Variants in PHLDB2 observed in about 807,000 individuals in gnomAD.
PHLDB2 encodes the protein pleckstrin homology-like domain family B member 2.
A neutral mutation model predicts 123.6 loss-of-function variants in PHLDB2; 71 were observed. The ratio of observed to expected loss-of-function variants is 0.57; its 90% CI spans 0.47 to 0.70. The LOEUF (loss-of-function observed/expected upper bound fraction) is 0.70, where lower values mean the gene tolerates loss of function less well. Ranked by LOEUF, PHLDB2 falls within the 30% of genes least tolerant of loss-of-function variation. PHLDB2 has a pLI of 0.00. For synonymous variants in PHLDB2, 547 were observed against 541.6 expected, an observed-to-expected ratio of 1.01 and a Z score of -0.14; for missense variants, 1,446 against 1,519.5, an observed-to-expected ratio of 0.95 and a Z score of 0.80.
At chr3:111,757,081 A>AT (rs1363725226) in intron 1 of PHLDB2, among the ~76,000 whole-genome samples, 2 of 151,850 alleles carry the variant, frequency 1.3e-5, no homozygotes, top group Non-Finnish European at 2.9e-5. Context: ...TGCCCTTAAC[A>AT]TTTTTTCCTT....
Position 111,884,167 on chromosome 3 carries a change from T to G in PHLDB2, c.90T>G (p.Asp30Glu). ...EDSVVHSVEN[D>E]SQNMMESLSP... Reference sequence around the variant, plus strand: ...CTGTGGTGCATTCTGTTGAGAACGATTCCCAAAACATGATGGAGAGCCTCA... The same window carrying G: ...CTGTGGTGCATTCTGTTGAGAACGAGTCCCAAAACATGATGGAGAGCCTCA... The change falls in exon 2 of 18, where the codon GAT (aspartate) becomes GAG (glutamate). Residue 30 changes from aspartate (D) to glutamate (E), a missense_variant. This residue lies in a region of PHLDB2 where 832 missense variants were observed against 831.9 expected (regional missense o/e 1.00). Coordinates refer to ENST00000431670, the MANE Select transcript of PHLDB2 (RefSeq NM_001134438.2). The G allele has an allele frequency of 6.2e-7, 1 of 1,614,192 alleles. No homozygotes were observed. Among genetic ancestry groups the G allele is most frequent in the Non-Finnish European group, 8.5e-7 (1 of 1,180,012 alleles).
chr3:111,774,921 TG>T (rs1198878683), intron 1 of PHLDB2, among the ~76,000 whole-genome samples: 3 of 152,200 alleles, frequency 2.0e-5, no homozygotes, highest in Non-Finnish European at 4.4e-5. Context: ...CTCGATGGAT[TG>T]GATTCTGCCT....
chr3:111,769,282 T>C, intron 1 of PHLDB2, among the ~76,000 whole-genome samples: 1 of 151,940 alleles, frequency 6.6e-6, no homozygotes, highest in East Asian at 1.9e-4. Context: ...GCATGAAGAG[T>C]ATGGAAAAAC....
intron 15 of PHLDB2, among the ~76,000 whole-genome samples, chr3:111,969,469 T>C (rs776207755): frequency 6.6e-6 from 1 of 152,252 alleles, no homozygotes; most frequent in Non-Finnish European, 1.5e-5. Flanking sequence ...TAAATTGTCC[T>C]GAGTTTATCT....
At chr3:111,955,336 A>G (rs2070988790) in intron 12 of PHLDB2, among the ~76,000 whole-genome samples, 1 of 152,074 alleles carries the variant, frequency 6.6e-6, no homozygotes, top group African/African-American at 2.4e-5. Flanking sequence ...TAAGCTAAAC[A>G]TATTCTTTTG....
At chr3:111,842,681 T>A (rs1354087970) in intron 1 of PHLDB2, among the ~76,000 whole-genome samples, 7 of 152,050 alleles carry the variant, frequency 4.6e-5, no homozygotes, top group Non-Finnish European at 1.0e-4. Context: ...ATTCAAAGAG[T>A]CATCCAGAAG....
At position 111,975,937 on chromosome 3, in the gene PHLDB2, A is replaced by G. The variant is rs571312278; in HGVS notation, c.*1374A>G. 6.5e-5 allele frequency: 10 copies of G among 152,686 alleles called. No individual in the cohort carries two copies. The highest frequency in any genetic ancestry group is 1.5e-4 in the Non-Finnish European group (10 of 68,044). The allele number at this position is 152,686 out of a possible 1,614,324, so 9.5% of individuals were successfully genotyped here. On this transcript the variant is annotated 3_prime_UTR_variant, in exon 18 of 18. Transcript: ENST00000431670. Reference sequence around the variant, plus strand: ...TTTGCAGTGTGGTTTGTATACACGTATACGTGTTATCAATAATAAGATTTT... The same window carrying G: ...TTTGCAGTGTGGTTTGTATACACGTGTACGTGTTATCAATAATAAGATTTT...
intron 1 of PHLDB2, among the ~76,000 whole-genome samples, chr3:111,760,491 T>C (rs756041450): frequency 8.5e-5 from 13 of 152,194 alleles, no homozygotes; most frequent in Admixed American, 7.9e-4. Flanking sequence ...AAAAGCAGCA[T>C]TTCAGATAAA....
rs1227021584 is a variant in PHLDB2 at position 111,859,403 on chromosome 3, T to A, written c.-188T>A. The A allele has an allele frequency of 1.0e-6, 1 of 985,506 alleles. No homozygotes were observed. The highest frequency in any genetic ancestry group is 1.1e-4 in the East Asian group (1 of 8,826). 61.0% of individuals were successfully genotyped at this position (985,506 alleles called of 1,614,324 possible). ...AGGTCACCAACTTCGTTGCTCGAAC[T>A]CCCTGGGTGCCCGCCGCGGTGGTTA... is the stretch of plus-strand genomic sequence containing the variant. On this transcript the variant is annotated 5_prime_UTR_variant, in exon 1 of 18. Transcript: ENST00000431670.
chr3:111,895,881 T>C (rs1198000278), intron 2 of PHLDB2, among the ~76,000 whole-genome samples: 4 of 152,002 alleles, frequency 2.6e-5, no homozygotes, highest in East Asian at 1.9e-4. Context: ...TCCATCTATC[T>C]ATCTATCTAT....
rs529885329 is a variant in PHLDB2 at position 111,882,310 on chromosome 3, C to T, written c.-14-1754C>T. Among the ~76,000 whole-genome samples the T allele has an allele frequency of 6.6e-4, 101 of 152,218 alleles. 2 individuals carry two copies. Among genetic ancestry groups the T allele is most frequent in the Admixed American group, 1.8e-3 (28 of 15,292 alleles). On this transcript the variant is annotated intron_variant, in intron 1 of 17. Coordinates refer to ENST00000431670, the MANE Select transcript of PHLDB2 (RefSeq NM_001134438.2). ...CTGGAATTTCAGTATGGCAAGCCAACGAGAGGTGATGTTAGTTCAGAATAG... is the reference window on the plus strand; with the variant it reads ...CTGGAATTTCAGTATGGCAAGCCAATGAGAGGTGATGTTAGTTCAGAATAG...
chr3:111,756,501 G>A (rs1375170428), intron 1 of PHLDB2, among the ~76,000 whole-genome samples: 1 of 152,032 alleles, frequency 6.6e-6, no homozygotes, highest in Non-Finnish European at 1.5e-5. Context: ...CATTTGCTTG[G>A]TAGATCTTCC....
chr3:111,919,406 A>T (rs945877147), intron 4 of PHLDB2, among the ~76,000 whole-genome samples, 191 bp downstream of exon 4: 2 of 151,832 alleles, frequency 1.3e-5, no homozygotes, highest in Admixed American at 1.3e-4. Context: ...TTTTTTTCCA[A>T]CCAGATGAGA....
At chr3:111,764,463 T>C (rs1225952994) in intron 1 of PHLDB2, among the ~76,000 whole-genome samples, 4 of 152,190 alleles carry the variant, frequency 2.6e-5, no homozygotes, top group Non-Finnish European at 5.9e-5. Flanking sequence ...GTTGTTAGGT[T>C]GATAAATTGC....
Position 111,952,689 on chromosome 3 carries a change from A to C in PHLDB2, c.2749A>C (p.Met917Leu). Residue 917 changes from methionine to leucine, a missense_variant, in exon 11 of 18, where the codon ATG (methionine) becomes CTG (leucine). By Grantham distance (15) the Met-to-Leu change is conservative. Transcript: ENST00000431670. Reference protein sequence around the residue: ...SISPHFSSATMGRSITPKAHL... With the variant: ...SISPHFSSATLGRSITPKAHL... Reference sequence around the variant, plus strand: ...CTCCCCACATTTCAGCAGTGCTACTATGGGGAGAAGCATCACCCCAAAGGT... The same window carrying C: ...CTCCCCACATTTCAGCAGTGCTACTCTGGGGAGAAGCATCACCCCAAAGGT... 6.2e-7 allele frequency: 1 copy of C among 1,613,672 alleles called. No individual in the cohort carries two copies. The highest frequency in any genetic ancestry group is 8.5e-7 in the Non-Finnish European group (1 of 1,179,818).
chr3:111,777,682 T>G lies in PHLDB2; in HGVS notation c.-49+44979T>G, dbSNP rs957068593. On this transcript the variant is annotated intron_variant, in intron 1 of 17. Coordinates refer to the PHLDB2 transcript ENST00000393923. ...GATACTCACTTGTGGTAACCCCATA[T>G]GCATCATATTTGCAACTTGTTGTTT... Among the ~76,000 whole-genome samples the G allele has an allele frequency of 2.5e-4, 36 of 143,908 alleles. 1 individual carries two copies. Among genetic ancestry groups the G allele is most frequent in the African/African-American group, 1.0e-3 (36 of 35,690 alleles). 94.4% of individuals were successfully genotyped at this position (143,908 alleles called of 152,430 possible). A position where few individuals can be genotyped will look rare whatever the true frequency, so the allele number is the denominator to read the frequency against.
At chr3:111,861,238 A>C (rs1037420881) in intron 1 of PHLDB2, among the ~76,000 whole-genome samples, 1 of 152,242 alleles carries the variant, frequency 6.6e-6, no homozygotes, top group African/African-American at 2.4e-5. Flanking sequence ...TGTTTGAATA[A>C]AGAGCGAAGG....
intron 1 of PHLDB2, among the ~76,000 whole-genome samples, chr3:111,822,897 A>G (rs1216244610): frequency 1.3e-5 from 2 of 152,076 alleles, no homozygotes; most frequent in Non-Finnish European, 2.9e-5. Flanking sequence ...GGAAAAAAAA[A>G]TATGCACATA....
upstream of PHLDB2, chr3:111,859,258 A>C: frequency 2.0e-6 from 2 of 985,478 alleles, no homozygotes; most frequent in Non-Finnish European, 2.4e-6. Flanking sequence ...CTGCCACGAA[A>C]GTCCCTACTG....
Sources: allele counts gnomAD v4.1 joint callset (sites outside exome capture counted in the v4.1 genomes callset), GRCh38; gene constraint gnomAD v4.1.1; regional missense constraint gnomAD v4.1.1; transcripts MANE v1.5; gene names NCBI Gene and HGNC (gene_info 2026-07-23, HGNC 2026-07-21).